CCNY: variants seen among roughly 807,000 people sequenced by gnomAD.
CCNY encodes the protein cyclin-Y.
In CCNY, 19 loss-of-function variants were observed where a neutral mutation model predicts 42.8. The observed-to-expected ratio is 0.44, with a 90% CI of 0.31 to 0.65. CCNY has a LOEUF of 0.65. Among genes scored for constraint, CCNY ranks in the 30% least tolerant of loss-of-function variants. CCNY has a pLI of 0.07. For missense variants in CCNY, 370 were observed against 437.3 expected, an observed-to-expected ratio of 0.85 and a Z score of 1.37; for synonymous variants, 165 against 162.7, an observed-to-expected ratio of 1.01 and a Z score of -0.11.
chr10:35,255,356 T>C (rs1186080031), intron 3 of CCNY, among the ~76,000 whole-genome samples: 2 of 151,306 alleles, frequency 1.3e-5, no homozygotes, highest in African/African-American at 2.4e-5. Context: ...AGTCCCGCTC[T>C]GTCACCCAGT....
intron 3 of CCNY, among the ~76,000 whole-genome samples, chr10:35,323,521 C>A (rs967878578): frequency 2.9e-5 from 4 of 137,938 alleles, no homozygotes; most frequent in African/African-American, 1.0e-4. Context: ...GGAAAAGAAA[C>A]CTTACACACA....
intron 3 of CCNY, among the ~76,000 whole-genome samples, chr10:35,327,002 A>G (rs565869535): frequency 2.6e-5 from 4 of 152,234 alleles, no homozygotes; most frequent in Admixed American, 1.3e-4. Flanking sequence ...TAACGTGGGC[A>G]TGGATTCTAC....
intron 1 of CCNY, among the ~76,000 whole-genome samples, chr10:35,341,284 G>A (rs1209951223): frequency 6.6e-6 from 1 of 152,100 alleles, no homozygotes; most frequent in East Asian, 1.9e-4. Context: ...TCCTCCATGT[G>A]CTCTCTTGGC....
intron 1 of CCNY, among the ~76,000 whole-genome samples, chr10:35,339,592 A>G (rs1226875847): frequency 6.6e-6 from 1 of 152,218 alleles, no homozygotes; most frequent in Non-Finnish European, 1.5e-5. Context: ...CTCAAATACC[A>G]TATTTTTTAT....
intron 1 of CCNY, among the ~76,000 whole-genome samples, chr10:35,470,773 C>A (rs1052636395): frequency 5.9e-5 from 9 of 152,184 alleles, no homozygotes; most frequent in East Asian, 3.9e-4. Context: ...GCAAACCAGC[C>A]TGGTCAGCTC....
At chr10:35,258,824 TA>T (rs767299277) in intron 3 of CCNY, among the ~76,000 whole-genome samples, 21 of 151,588 alleles carry the variant, frequency 1.4e-4, no homozygotes, top group Non-Finnish European at 2.6e-4. Flanking sequence ...TAGTCCCAGC[TA>T]CTTGGGGAGG....
chr10:35,387,211 C>G lies in CCNY; in HGVS notation c.154+50004C>G, dbSNP rs1402253592. Among the ~76,000 whole-genome samples, 3 of 152,292 alleles carry G rather than the reference C, an allele frequency of 2.0e-5. No homozygotes were observed. The East Asian group carries it at 5.8e-4, about 29-fold the overall frequency. ...TTATGAACAAAGGAAAACACCAAAA[C>G]TTATGATTGATTGCTTTAAAAAAGT... On this transcript the variant is annotated intron_variant, in intron 1 of 9. Coordinates refer to ENST00000374704, the MANE Select transcript of CCNY (RefSeq NM_145012.6).
chr10:35,282,440 TGAACAGGC>T (rs1404600224), intron 3 of CCNY, among the ~76,000 whole-genome samples: 4 of 151,922 alleles, frequency 2.6e-5, no homozygotes, highest in African/African-American at 9.7e-5. Context: ...TTTAAAAATC[TGAACAGGC>T]CAGGCACGGT....
intron 3 of CCNY, among the ~76,000 whole-genome samples, chr10:35,260,934 G>A (rs1295548463): frequency 6.6e-6 from 1 of 152,100 alleles, no homozygotes; most frequent in Non-Finnish European, 1.5e-5. Context: ...AACCTTGTGA[G>A]ACCCCGTCTC....
At chr10:35,440,633 G>A (rs545557435) in intron 1 of CCNY, among the ~76,000 whole-genome samples, 19 of 152,246 alleles carry the variant, frequency 1.2e-4, no homozygotes, top group Non-Finnish European at 1.8e-4. Flanking sequence ...CCCCTGTCCG[G>A]GGCACAGCTT....
chr10:35,367,631 C>T (rs1244033505), intron 1 of CCNY, among the ~76,000 whole-genome samples: 5 of 152,182 alleles, frequency 3.3e-5, no homozygotes, highest in African/African-American at 7.2e-5. Context: ...GGGTGGCTTC[C>T]GCCATAGAAG....
intron 5 of CCNY, among the ~76,000 whole-genome samples, chr10:35,528,778 G>T (rs1223963418): frequency 6.6e-6 from 1 of 152,132 alleles, no homozygotes; most frequent in African/African-American, 2.4e-5. Context: ...AAATTGAGCT[G>T]TTTTGTTAAG....
intron 1 of CCNY, among the ~76,000 whole-genome samples, chr10:35,383,958 A>G (rs553588914): frequency 2.4e-4 from 36 of 151,990 alleles, no homozygotes; most frequent in African/African-American, 8.2e-4. Flanking sequence ...GTAAGAATAT[A>G]TATATATATA....
chr10:35,491,764 C>T (rs1286781274), intron 2 of CCNY, among the ~76,000 whole-genome samples: 1 of 151,988 alleles, frequency 6.6e-6, no homozygotes, highest in African/African-American at 2.4e-5. Flanking sequence ...CAGGTGCCTG[C>T]CCCCACACCT....
intron 7 of CCNY, among the ~76,000 whole-genome samples, chr10:35,541,779 C>T (rs1426469824): frequency 2.0e-5 from 3 of 151,868 alleles, no homozygotes; most frequent in African/African-American, 7.3e-5. Context: ...TCTTTAGGAT[C>T]CCATCCAAGA....
chr10:35,492,664 G>A (rs1371561146), intron 2 of CCNY, among the ~76,000 whole-genome samples: 1 of 152,234 alleles, frequency 6.6e-6, no homozygotes, highest in Admixed American at 6.5e-5. Flanking sequence ...CTCTGCAGTG[G>A]CTAGCACATA....
At chr10:35,516,137 G>A (rs1310574785) in intron 3 of CCNY, among the ~76,000 whole-genome samples, 1 of 152,164 alleles carries the variant, frequency 6.6e-6, no homozygotes, top group Non-Finnish European at 1.5e-5. Context: ...CACTTGTCTT[G>A]ATCTTAGTGC....
chr10:35,282,865 C>T (rs1208361807), intron 3 of CCNY, among the ~76,000 whole-genome samples: 1 of 152,140 alleles, frequency 6.6e-6, no homozygotes, highest in Non-Finnish European at 1.5e-5. Context: ...TATATCCCTG[C>T]TTAACAACAA....
At chr10:35,442,937 C>A (rs1015420253) in intron 1 of CCNY, among the ~76,000 whole-genome samples, 1 of 152,224 alleles carries the variant, frequency 6.6e-6, no homozygotes, top group Non-Finnish European at 1.5e-5. Flanking sequence ...TAGCCTGTTG[C>A]TCCTAGGCTA....
Sources: gnomAD v4.1 joint callset for allele counts (sites outside exome capture counted in the v4.1 genomes callset) on GRCh38, gnomAD v4.1.1 for gene constraint, MANE v1.5 for transcripts, NCBI Gene and HGNC (gene_info 2026-07-23, HGNC 2026-07-21) for gene names.